The following PGM2L1 variants were observed in gnomAD, a reference collection of about 807,000 sequenced individuals.
PGM2L1 encodes the protein phosphoglucomutase 2 like 1, also known as glucose 1,6-bisphosphate synthase.
A neutral mutation model predicts 73.4 loss-of-function variants in PGM2L1; 35 were observed. The observed-to-expected ratio is 0.48, with a 90% CI of 0.36 to 0.63. The LOEUF (loss-of-function observed/expected upper bound fraction) is 0.63, where lower values mean the gene tolerates loss of function less well. Among genes scored for constraint, PGM2L1 ranks in the 30% least tolerant of loss-of-function variants. The pLI is 0.00. For synonymous variants in PGM2L1, 225 were observed against 253.8 expected (o/e 0.89, Z 1.08); for missense variants, 570 against 742.0 (o/e 0.77, Z 2.69).
At chr11:74,396,405 C>A (rs1460265839) in intron 1 of PGM2L1, among the ~76,000 whole-genome samples, 3 of 151,062 alleles carry the variant, frequency 2.0e-5, no homozygotes, top group African/African-American at 7.3e-5. Context: ...AAAATTCATT[C>A]TTTTTTTTTC....
chr11:74,343,074 T>C (rs1862207332), intron 10 of PGM2L1, 60 bp from the exon 11 acceptor site: 2 of 1,515,134 alleles, frequency 1.3e-6, no homozygotes, highest in Non-Finnish European at 1.8e-6. Flanking sequence ...TTTCAATAGT[T>C]TTACATTTCT....
chr11:74,388,731 T>C (rs1303615028), intron 1 of PGM2L1, among the ~76,000 whole-genome samples: 1 of 152,226 alleles, frequency 6.6e-6, no homozygotes, highest in Admixed American at 6.5e-5. Flanking sequence ...TTTGGTAAGA[T>C]ACACTCCTCA....
At chr11:74,393,687 T>C (rs1863134946) in intron 1 of PGM2L1, among the ~76,000 whole-genome samples, 1 of 152,202 alleles carries the variant, frequency 6.6e-6, no homozygotes, top group African/African-American at 2.4e-5. Flanking sequence ...TGCTATTTCT[T>C]AAAATGCCGT....
intron 12 of PGM2L1, among the ~76,000 whole-genome samples, chr11:74,339,327 C>G (rs1042763847): frequency 4.6e-5 from 7 of 152,152 alleles, no homozygotes; most frequent in Non-Finnish European, 1.0e-4. Context: ...TTTACTGACA[C>G]TAAATATATG....
rs570563835 is a variant in PGM2L1 at position 74,354,608 on chromosome 11, G to C, written c.556-3032C>G. 7.9e-6 allele frequency: 9 copies of C among 1,141,914 alleles called. No homozygotes were observed. In the African/African-American group the frequency reaches 1.2e-4, roughly 15 times the overall value. 70.7% of individuals were successfully genotyped at this position (1,141,914 alleles called of 1,614,324 possible). On this transcript the variant is annotated intron_variant, in intron 5 of 13. Coordinates refer to ENST00000298198, the MANE Select transcript of PGM2L1 (RefSeq NM_173582.6). ...GACCCAAACACCAAGTGCTCCAGGG[G>C]CTTTGGGTTTGTCACATATGCCACT...
Position 74,335,550 on chromosome 11 carries a change from T to G in PGM2L1, c.*1102A>C, listed in dbSNP as rs989973440. On this transcript the variant is annotated 3_prime_UTR_variant, in exon 14 of 14. Transcript: ENST00000298198. ...GGACCTCTGTTTTAAAACATGTAGT[T>G]TTAGTATTTCATAATACTTAAAATT... 1.3e-5 allele frequency: 2 copies of G among 152,246 alleles called. No individual in the cohort carries two copies. The highest frequency in any genetic ancestry group is 4.8e-5 in the African/African-American group (2 of 41,466). The allele number at this position is 152,246 out of a possible 1,614,324, so 9.4% of individuals were successfully genotyped here. A position where few individuals can be genotyped will look rare whatever the true frequency, so the allele number is the denominator to read the frequency against.
Position 74,351,441 on chromosome 11 carries a change from G to C in PGM2L1, c.691C>G (p.Pro231Ala). 2 of 1,613,944 alleles carry C rather than the reference G, an allele frequency of 1.2e-6. No individual in the cohort carries two copies. The highest frequency in any genetic ancestry group is 8.5e-7 in the Non-Finnish European group (1 of 1,179,968). The part of the protein sequence containing the change: ...LVDTSPLKRD[P>A]LQDICRRYME... ...TATCTCCTGCAAATGTCCTGCAGAG[G>C]GTCTCTCTTCAGCGGGCTGGTATCC... is the stretch of plus-strand genomic sequence containing the variant. Residue 231 changes from proline (P) to alanine (A), a missense_variant, in exon 6 of 14, where the codon CCT becomes GCT. Pro to Ala is a conservative substitution (Grantham distance 27). Transcript: ENST00000298198.
intron 5 of PGM2L1, among the ~76,000 whole-genome samples, chr11:74,363,628 C>A (rs1469915379): frequency 1.3e-5 from 2 of 152,088 alleles, no homozygotes; most frequent in Non-Finnish European, 2.9e-5. Context: ...TGGATAAATT[C>A]CTGGACACAT....
intron 1 of PGM2L1, 175 bp downstream of exon 1, chr11:74,397,876 G>A (rs1350080970): frequency 8.6e-7 from 1 of 1,159,192 alleles, no homozygotes; most frequent in African/African-American, 1.6e-5. Context: ...GCCCGGCTCT[G>A]GCAGTCCGAA....
At chr11:74,388,536 G>GA (rs1162907026) in intron 1 of PGM2L1, among the ~76,000 whole-genome samples, 3 of 152,008 alleles carry the variant, frequency 2.0e-5, no homozygotes, top group South Asian at 4.2e-4. Flanking sequence ...ATTTCAGAGA[G>GA]AAAATGACGT....
chr11:74,348,918 C>T (rs1862307851), intron 6 of PGM2L1, among the ~76,000 whole-genome samples: 1 of 152,170 alleles, frequency 6.6e-6, no homozygotes, highest in South Asian at 2.1e-4. Flanking sequence ...TATTGACTCA[C>T]AGGTGGAAGC....
Position 74,351,536 on chromosome 11 carries a change from T to C in PGM2L1, c.596A>G (p.Asp199Gly), listed in dbSNP as rs1862353871. 3.7e-6 allele frequency: 6 copies of C among 1,612,704 alleles called. No individual in the cohort carries two copies. Among genetic ancestry groups the C allele is most frequent in the Non-Finnish European group, 5.1e-6 (6 of 1,179,636 alleles). ...ETGAQITSPHDKEILKCIEEC... is the reference protein window; with the variant it reads ...ETGAQITSPHGKEILKCIEEC... ...TTCTATACATTTTAGAATTTCTTTA[T>C]CATGAGGAGATGTGATCTGAGCACC... Residue 199 changes from aspartate to glycine, a missense_variant, in exon 6 of 14, where the codon GAT (aspartate) becomes GGT (glycine). By Grantham distance (94) the Asp-to-Gly change is moderately conservative. Transcript: ENST00000298198.
intron 5 of PGM2L1, among the ~76,000 whole-genome samples, chr11:74,360,786 C>A (rs958952812): frequency 6.6e-6 from 1 of 152,212 alleles, no homozygotes; most frequent in Non-Finnish European, 1.5e-5. Flanking sequence ...CCCATGCCCA[C>A]AGAGCCTCGC....
chr11:74,371,770 T>C lies in PGM2L1; in HGVS notation c.327A>G (p.Arg109=), dbSNP rs767160134. Residue 109 remains arginine, a synonymous_variant, in exon 3 of 14, where the codon AGA becomes AGG. Transcript: ENST00000298198. ...GAGTGTCATACCCAACCACAAAGCC[T>C]CTCTGCTTGAAGTCTGAGAAACATC... The part of the protein sequence containing the change: ...LERCFSDFKQ[R]GFVVGYDTRG... 5 of 1,613,968 alleles carry C rather than the reference T, an allele frequency of 3.1e-6. No individual in the cohort carries two copies. The South Asian group carries it at 5.5e-5, about 18-fold the overall frequency.
At chr11:74,344,081 T>G (rs538874815) in intron 9 of PGM2L1, among the ~76,000 whole-genome samples, 1 of 152,056 alleles carries the variant, frequency 6.6e-6, no homozygotes, top group Non-Finnish European at 1.5e-5. Context: ...GGCCCCATTA[T>G]CTTTTTTTAA....
intron 1 of PGM2L1, 33 bp downstream of exon 1, chr11:74,398,018 C>T (rs1429849953): frequency 3.2e-6 from 5 of 1,571,736 alleles, no homozygotes; most frequent in Non-Finnish European, 4.3e-6. Context: ...GTGGGGGAGG[C>T]GACGGCGTTT....
rs1201571369 is a variant in PGM2L1 at position 74,398,181 on chromosome 11, G to C, written c.-20C>G. 1 of 1,597,378 alleles carries C rather than the reference G, an allele frequency of 6.3e-7. No individual in the cohort carries two copies. The highest frequency in any genetic ancestry group is 8.5e-7 in the Non-Finnish European group (1 of 1,170,980). On this transcript the variant is annotated 5_prime_UTR_variant, in exon 1 of 14. Coordinates refer to ENST00000298198, the MANE Select transcript of PGM2L1 (RefSeq NM_173582.6). The stretch of plus-strand genomic sequence containing the variant: ...AGCCATGGCGACCAGACAGGCGTAC[G>C]GGCCGGGGGCCGGCGAAGACACTGA...
intron 6 of PGM2L1, 126 bp from the exon 7 acceptor site, chr11:74,347,463 G>A: frequency 1.4e-6 from 1 of 738,842 alleles, no homozygotes; most frequent in Non-Finnish European, 2.0e-6. Flanking sequence ...AGAGGTCTAA[G>A]ATATTCAAAC....
At chr11:74,369,636 C>A (rs373524363) in intron 4 of PGM2L1, among the ~76,000 whole-genome samples, 128 of 152,306 alleles carry the variant, frequency 8.4e-4, no homozygotes, top group African/African-American at 2.9e-3. Context: ...TGAATCCAAA[C>A]TCAGAAAGGT....
Sources: gnomAD v4.1 joint callset for allele counts (sites outside exome capture counted in the v4.1 genomes callset) on GRCh38, gnomAD v4.1.1 for gene constraint, MANE v1.5 for transcripts, NCBI Gene and HGNC (gene_info 2026-07-23, HGNC 2026-07-21) for gene names.